Variants in CCDC141 observed in about 807,000 individuals in gnomAD.
The protein encoded by CCDC141 is coiled-coil domain containing 141.
Under a neutral mutation model 181.0 loss-of-function variants are expected in CCDC141, and 168 were observed. The observed-to-expected ratio is 0.93, with a 90% CI of 0.82 to 1.05. The LOEUF is 1.05. CCDC141 is among the 50% of genes least tolerant of loss of function. The pLI is 0.00. For synonymous variants in CCDC141, 666 were observed against 642.3 expected (o/e 1.04, Z -0.56); for missense variants, 1,902 against 1,788.5 (o/e 1.06, Z -1.14).
At position 178,961,469 on chromosome 2, in the gene CCDC141, A is replaced by G; in HGVS notation, c.541T>C (p.Ser181Pro). 6.5e-7 allele frequency: 1 copy of G among 1,549,674 alleles called. No individual in the cohort carries two copies. Among genetic ancestry groups the G allele is most frequent in the Non-Finnish European group, 8.7e-7 (1 of 1,146,432 alleles). The change falls in exon 5 of 24, where the codon TCT becomes CCT. Residue 181 changes from serine (S) to proline (P), a missense_variant. By Grantham distance (74) the Ser-to-Pro change is moderately conservative (BLOSUM62 -1). Coordinates refer to ENST00000443758, the MANE Select transcript of CCDC141 (RefSeq NM_173648.4). ...EHHTKELLER[S>P]LALLNKSQQL... ...TGACTTTTGTTTAAAAGGGCTAAAG[A>G]CCGTTCCAAGAGTTCTAGAAGAAAA...
intron 10 of CCDC141, 89 bp from the exon 11 acceptor site, chr2:178,885,181 G>A: frequency 1.3e-6 from 1 of 786,608 alleles, no homozygotes; most frequent in Non-Finnish European, 1.9e-6. Flanking sequence ...CACCAATTAT[G>A]ATCACTAATT....
intron 2 of CCDC141, among the ~76,000 whole-genome samples, chr2:179,042,895 A>G (rs1372731106): frequency 6.6e-6 from 1 of 152,196 alleles, no homozygotes; most frequent in Non-Finnish European, 1.5e-5. Flanking sequence ...TAGAGACACA[A>G]AAAAACCTTC....
At chr2:179,004,109 A>G (rs2042058449) in intron 2 of CCDC141, among the ~76,000 whole-genome samples, 1 of 152,180 alleles carries the variant, frequency 6.6e-6, no homozygotes, top group Non-Finnish European at 1.5e-5. Flanking sequence ...AAATACAATT[A>G]CCTCAACAAA....
At chr2:179,049,733 G>A (rs1575392673) in intron 1 of CCDC141, 107 bp downstream of exon 1, 1 of 1,223,410 alleles carries the variant, frequency 8.2e-7, no homozygotes, top group Non-Finnish European at 1.1e-6. Context: ...TTGCTGCGTT[G>A]TCTTCTCTAT....
intron 5 of CCDC141, among the ~76,000 whole-genome samples, chr2:178,949,279 A>G (rs1689854494): frequency 6.6e-6 from 1 of 152,204 alleles, no homozygotes; most frequent in Admixed American, 6.5e-5. Context: ...CTTCCTTCCA[A>G]CAGAAGTATT....
At chr2:178,920,940 CA>C (rs1051968020) in intron 6 of CCDC141, among the ~76,000 whole-genome samples, 2 of 152,082 alleles carry the variant, frequency 1.3e-5, no homozygotes, top group Non-Finnish European at 2.9e-5. Flanking sequence ...CTATAATCCT[CA>C]AAAACCCTTA....
At chr2:178,841,631 A>C (rs1419113299) in intron 22 of CCDC141, among the ~76,000 whole-genome samples, 1 of 152,196 alleles carries the variant, frequency 6.6e-6, no homozygotes, top group Non-Finnish European at 1.5e-5. Flanking sequence ...TTATGGAAAC[A>C]TTATTTTATT....
intron 3 of CCDC141, among the ~76,000 whole-genome samples, chr2:178,977,102 T>C (rs74951231): frequency 0.021 from 3,222 of 152,224 alleles, 88 homozygotes; most frequent in East Asian, 0.13. Flanking sequence ...ATCCACAAAA[T>C]TGGAAACAGG....
intron 2 of CCDC141, among the ~76,000 whole-genome samples, chr2:179,006,266 C>T (rs1008538245): frequency 2.6e-5 from 4 of 152,088 alleles, no homozygotes; most frequent in Admixed American, 2.0e-4. Flanking sequence ...TTAACATACA[C>T]GGGGGTGGGG....
chr2:179,039,100 G>A (rs1446922235), intron 2 of CCDC141, among the ~76,000 whole-genome samples: 2 of 152,042 alleles, frequency 1.3e-5, no homozygotes, highest in Admixed American at 1.3e-4. Flanking sequence ...CTTGAATATG[G>A]TTTGGAAATC....
chr2:178,835,115 A>C (rs1684426358), intron 23 of CCDC141, among the ~76,000 whole-genome samples: 2 of 152,092 alleles, frequency 1.3e-5, no homozygotes, highest in African/African-American at 2.4e-5. Context: ...GTCCAGCTTT[A>C]TTCTTTTTGC....
At chr2:179,013,067 G>A (rs1040676454) in intron 2 of CCDC141, among the ~76,000 whole-genome samples, 2 of 152,096 alleles carry the variant, frequency 1.3e-5, no homozygotes, top group Admixed American at 6.6e-5. Flanking sequence ...AGACAAAAAT[G>A]CCCATTCTCA....
intron 7 of CCDC141, among the ~76,000 whole-genome samples, chr2:178,916,844 A>G (rs2154374356): frequency 1.3e-5 from 2 of 152,258 alleles, no homozygotes; most frequent in South Asian, 4.1e-4. Context: ...CTAGAAATCG[A>G]AAGTCTTTGT....
rs1684539081 is a variant in CCDC141 at position 178,837,553 on chromosome 2, G to T, written c.3666C>A (p.Ser1222Arg). The change falls in exon 23 of 24, where the codon AGC (serine) becomes AGA (arginine). Residue 1222 changes from serine to arginine, a missense_variant. Ser to Arg is a moderately radical substitution (Grantham distance 110, BLOSUM62 -1). Transcript: ENST00000443758. Reference sequence around the variant, plus strand: ...CAGATGGTGCAAGAGGGGACTCAGGGCTTCCTGGGAGAGGAGGCAAGGAGA... The same window carrying T: ...CAGATGGTGCAAGAGGGGACTCAGGTCTTCCTGGGAGAGGAGGCAAGGAGA... ...DDISLPPLPGSPESPLAPSDM... is the reference protein window; with the variant it reads ...DDISLPPLPGRPESPLAPSDM... 1.2e-6 allele frequency: 2 copies of T among 1,613,740 alleles called. No individual in the cohort carries two copies. Among genetic ancestry groups the T allele is most frequent in the South Asian group, 1.1e-5 (1 of 91,082 alleles).
chr2:178,902,770 C>G (rs1199349480), intron 8 of CCDC141, among the ~76,000 whole-genome samples: 1 of 149,712 alleles, frequency 6.7e-6, no homozygotes, highest in African/African-American at 2.4e-5. Context: ...TCTAATTAAA[C>G]TAAAGAGCTT....
At chr2:178,985,935 GA>G (rs1400730869) in intron 2 of CCDC141, among the ~76,000 whole-genome samples, 1 of 152,098 alleles carries the variant, frequency 6.6e-6, no homozygotes, top group Non-Finnish European at 1.5e-5. Context: ...CCAATCAATA[GA>G]AAAAGAGGGA....
chr2:178,924,914 T>C (rs1325678321), intron 6 of CCDC141, among the ~76,000 whole-genome samples: 1 of 152,214 alleles, frequency 6.6e-6, no homozygotes, highest in East Asian at 1.9e-4. Flanking sequence ...GTACACTTTT[T>C]ATTCCAAGCT....
At chr2:178,827,936 C>T (rs1158481846), downstream of CCDC141, among the ~76,000 whole-genome samples, 2 of 152,186 alleles carry the variant, frequency 1.3e-5, no homozygotes, top group African/African-American at 4.8e-5. Context: ...TATATTTCCT[C>T]ACTTCTTTTA....
At position 178,986,268 on chromosome 2, in the gene CCDC141, A is replaced by T. The variant is rs1007167566; in HGVS notation, c.226-7593T>A. 2.0e-5 allele frequency among the ~76,000 whole-genome samples: 3 copies of T among 152,160 alleles called. 1 individual carries two copies. The highest frequency in any genetic ancestry group is 4.2e-4 in the South Asian group (2 of 4,818). ...AAGGCCTTTGACAAAATTCAACAAC[A>T]CTTCATGCTAAAAACTCTCAATAAA... is the stretch of plus-strand genomic sequence containing the variant. On this transcript the variant is annotated intron_variant, in intron 2 of 23. Transcript: ENST00000443758.
Sources: allele counts gnomAD v4.1 joint callset (sites outside exome capture counted in the v4.1 genomes callset), GRCh38; gene constraint gnomAD v4.1.1; transcripts MANE v1.5; gene names NCBI Gene and HGNC (gene_info 2026-07-23, HGNC 2026-07-21).